The following GAS2 variants were observed in gnomAD, a reference collection of about 807,000 sequenced individuals.
GAS2 encodes growth arrest-specific protein 2.
GAS2 carries 20 observed loss-of-function variants against 37.5 expected under a neutral mutation model. The ratio of observed to expected loss-of-function variants is 0.53; its 90% CI spans 0.37 to 0.77. The LOEUF (loss-of-function observed/expected upper bound fraction) is 0.77. Ranked by LOEUF, GAS2 falls within the 30% of genes least tolerant of loss-of-function variation. The probability of loss-of-function intolerance (pLI) is 0.00; values close to 1 mark genes in which losing one functional copy is unlikely to be tolerated. For missense variants in GAS2, 336 were observed against 373.4 expected, an observed-to-expected ratio of 0.90 and a Z score of 0.82; for synonymous variants, 144 against 132.2, an observed-to-expected ratio of 1.09 and a Z score of -0.61.
chr11:22,742,434 T>C (rs950463186), intron 5 of GAS2, among the ~76,000 whole-genome samples: 1 of 152,114 alleles, frequency 6.6e-6, no homozygotes, highest in South Asian at 2.1e-4. Context: ...ATTTGATGAC[T>C]AAGTTGACTT....
intron 4 of GAS2, among the ~76,000 whole-genome samples, chr11:22,729,877 T>A (rs949259869): frequency 2.6e-5 from 4 of 151,854 alleles, no homozygotes; most frequent in Non-Finnish European, 5.9e-5. Context: ...GAAATTGGCA[T>A]GCTTTCTTTG....
chr11:22,667,724 G>T (rs1346602221), intron 1 of GAS2, among the ~76,000 whole-genome samples: 1 of 152,130 alleles, frequency 6.6e-6, no homozygotes, highest in Non-Finnish European at 1.5e-5. Context: ...TGAATGAAGA[G>T]GGAGCAAAAG....
At chr11:22,631,862 A>G (rs956752776) in intron 1 of GAS2, among the ~76,000 whole-genome samples, 1 of 150,842 alleles carries the variant, frequency 6.6e-6, no homozygotes, top group African/African-American at 2.4e-5. Context: ...CTCTTTCTCA[A>G]TCTTTTGCAA....
At chr11:22,641,238 A>G (rs1312378984) in intron 1 of GAS2, among the ~76,000 whole-genome samples, 59 of 144,462 alleles carry the variant, frequency 4.1e-4, no homozygotes, top group Non-Finnish European at 7.2e-4. Flanking sequence ...GTATATATAT[A>G]TGTGTATATA....
intron 4 of GAS2, among the ~76,000 whole-genome samples, chr11:22,733,262 A>G (rs1590067955): frequency 1.3e-5 from 2 of 151,848 alleles, no homozygotes; most frequent in Admixed American, 1.3e-4. Flanking sequence ...CTTCTACTAT[A>G]CCACTCTCCT....
chr11:22,712,225 C>A (rs1258171451), intron 3 of GAS2, among the ~76,000 whole-genome samples: 1 of 152,194 alleles, frequency 6.6e-6, no homozygotes, highest in Non-Finnish European at 1.5e-5. Flanking sequence ...AACTTCACTG[C>A]TAGCATAACC....
intron 7 of GAS2, among the ~76,000 whole-genome samples, chr11:22,807,634 C>T (rs553996821): frequency 1.3e-5 from 2 of 152,114 alleles, no homozygotes; most frequent in Non-Finnish European, 2.9e-5. Flanking sequence ...TTGCTCTCTG[C>T]GTGGAAAGTC....
intron 2 of GAS2, among the ~76,000 whole-genome samples, chr11:22,679,743 A>G (rs368377238): frequency 6.6e-6 from 1 of 152,144 alleles, no homozygotes; most frequent in African/African-American, 2.4e-5. Flanking sequence ...ATAGTTGTTA[A>G]ACATGAAATA....
intron 4 of GAS2, among the ~76,000 whole-genome samples, chr11:22,726,808 C>A (rs1357219309): frequency 6.6e-6 from 1 of 152,064 alleles, no homozygotes; most frequent in Non-Finnish European, 1.5e-5. Flanking sequence ...ATGTTCTAGC[C>A]ATAGAGAGCA....
intron 7 of GAS2, among the ~76,000 whole-genome samples, chr11:22,789,301 T>TACAC (rs1261009948): frequency 3.1e-5 from 3 of 98,208 alleles, no homozygotes; most frequent in African/African-American, 9.6e-5. Context: ...TATATATATA[T>TACAC]ATACACACAC....
intron 7 of GAS2, among the ~76,000 whole-genome samples, chr11:22,771,143 T>C (rs7111160): frequency 0.26 from 40,230 of 151,894 alleles, 5,667 homozygotes; most frequent in East Asian, 0.36. Context: ...GTTTTTCCCA[T>C]GATACTTTTG....
chr11:22,759,573 G>T (rs187109806), intron 7 of GAS2, among the ~76,000 whole-genome samples: 1 of 152,118 alleles, frequency 6.6e-6, no homozygotes, highest in Non-Finnish European at 1.5e-5. Flanking sequence ...ATCAAATGCA[G>T]CTAATTTTTA....
chr11:22,810,109 TA>T (rs1269644459), intron 7 of GAS2, among the ~76,000 whole-genome samples: 2 of 152,152 alleles, frequency 1.3e-5, no homozygotes, highest in Admixed American at 6.5e-5. Flanking sequence ...GAAAAAGCTT[TA>T]TTCGGGTGCT....
chr11:22,787,828 G>A (rs1364765067), intron 7 of GAS2, among the ~76,000 whole-genome samples: 2 of 152,178 alleles, frequency 1.3e-5, no homozygotes, highest in South Asian at 2.1e-4. Flanking sequence ...CAGGTATTCA[G>A]GGTTGGAAAA....
intron 7 of GAS2, among the ~76,000 whole-genome samples, chr11:22,776,136 C>A (rs1855243767): frequency 6.6e-6 from 1 of 152,112 alleles, no homozygotes; most frequent in Non-Finnish European, 1.5e-5. Flanking sequence ...CTACTATGTG[C>A]CTGGAACTGG....
At chr11:22,770,406 G>A (rs950302194) in intron 7 of GAS2, among the ~76,000 whole-genome samples, 2 of 152,202 alleles carry the variant, frequency 1.3e-5, no homozygotes, top group Non-Finnish European at 2.9e-5. Context: ...GCCAACACAC[G>A]TGAGTTGAGA....
chr11:22,679,623 G>A (rs1849583591), intron 2 of GAS2, among the ~76,000 whole-genome samples: 1 of 151,876 alleles, frequency 6.6e-6, no homozygotes, highest in Admixed American at 6.6e-5. Context: ...TTCTCAAATT[G>A]TCTATTTCAC....
rs1468304693 is a variant in GAS2, at chr11:22,749,106, G to A, written c.474-14G>A. ...TAAGTTATGCATATGTAATGATCCA[G>A]GGTCTTTTTAAAGGTATGGTGTGGA... On this transcript the variant is annotated splice_polypyrimidine_tract_variant and intron_variant, in intron 5 of 7. Coordinates refer to ENST00000454584, the MANE Select transcript of GAS2 (RefSeq NM_001143830.3). The A allele has an allele frequency of 6.2e-7, 1 of 1,604,076 alleles. No homozygotes were observed. Among genetic ancestry groups the A allele is most frequent in the Admixed American group, 1.7e-5 (1 of 58,168 alleles).
At position 22,637,745 on chromosome 11, in the gene GAS2, T is replaced by G. The variant is rs1590555975; in HGVS notation, c.-21+11932T>G. ...TTATAGTAATAATAATTATTTATAT[T>G]TAAATGTAAATTAATTTATATTTAT... On this transcript the variant is annotated intron_variant, in intron 1 of 5. Coordinates refer to the GAS2 transcript ENST00000528582. 3.5e-5 allele frequency among the ~76,000 whole-genome samples: 5 copies of G among 144,114 alleles called. No individual in the cohort carries two copies. In the South Asian group the frequency reaches 8.5e-4, roughly 24 times the overall value. 94.5% of individuals were successfully genotyped at this position (144,114 alleles called of 152,430 possible).
Sources: gnomAD v4.1 joint callset for allele counts (sites outside exome capture counted in the v4.1 genomes callset) on GRCh38, gnomAD v4.1.1 for gene constraint, MANE v1.5 for transcripts, NCBI Gene and HGNC (gene_info 2026-07-23, HGNC 2026-07-21) for gene names.